Variants in RAD54L2 observed in about 807,000 individuals in gnomAD.
RAD54L2 encodes the protein helicase ARIP4.
A neutral mutation model predicts 138.4 loss-of-function variants in RAD54L2; 27 were observed. The ratio of observed to expected loss-of-function variants is 0.20; its 90% CI spans 0.14 to 0.27. The LOEUF (loss-of-function observed/expected upper bound fraction) is 0.27, where lower values mean the gene tolerates loss of function less well. Among genes scored for constraint, RAD54L2 ranks in the 10% least tolerant of loss-of-function variants. The pLI, the probability that RAD54L2 is intolerant of heterozygous loss-of-function variation, is 1.00. For synonymous variants in RAD54L2, 644 were observed against 723.2 expected (o/e 0.89, Z 1.76); for missense variants, 1,396 against 1,890.2 (o/e 0.74, Z 4.85).
At chr3:51,545,928 A>ATT (rs1698680698) in intron 2 of RAD54L2, among the ~76,000 whole-genome samples, 1 of 134,542 alleles carries the variant, frequency 7.4e-6, no homozygotes, top group African/African-American at 2.9e-5. Flanking sequence ...GCCTACATCA[A>ATT]TTCTTTTTTT....
At chr3:51,651,948 C>A (rs1459509264) in intron 19 of RAD54L2, among the ~76,000 whole-genome samples, 2 of 151,968 alleles carry the variant, frequency 1.3e-5, no homozygotes, top group East Asian at 3.9e-4. Context: ...GCAATCAGGC[C>A]AGAGAAAGAA....
chr3:51,610,084 C>T (rs1203047815), intron 3 of RAD54L2, among the ~76,000 whole-genome samples: 2 of 151,352 alleles, frequency 1.3e-5, no homozygotes, highest in South Asian at 2.1e-4. Flanking sequence ...TGCAGTGAGC[C>T]GAGATCGAGC....
At position 51,628,309 on chromosome 3, in the gene RAD54L2, AT is replaced by A. The variant is rs545116980; in HGVS notation, c.341+556del. ...CTCCTGCCTCCACTTAAAAAAAAAAATAACGACAACTTGAAATATTACTCTG... is the reference window on the plus strand; with the variant it reads ...CTCCTGCCTCCACTTAAAAAAAAAAAAACGACAACTTGAAATATTACTCTG... On this transcript the variant is annotated intron_variant, in intron 4 of 22. Coordinates refer to ENST00000684192, the MANE Select transcript of RAD54L2 (RefSeq NM_015106.4). Among the ~76,000 whole-genome samples the A allele has an allele frequency of 1.1e-4, 16 of 152,230 alleles. 1 individual carries two copies. In the South Asian group the frequency reaches 3.3e-3, roughly 32 times the overall value.
Position 51,637,661 on chromosome 3 carries a change from G to A in RAD54L2, c.1682+158G>A, listed in dbSNP as rs528423074. On this transcript the variant is annotated intron_variant, in intron 11 of 22. Coordinates refer to ENST00000684192, the MANE Select transcript of RAD54L2 (RefSeq NM_015106.4). This position sits in a 1 kb window ranked among gnomAD's most constrained non-coding sequence, Gnocchi z 5.9. ...TTCCTGTGACAAGCTAGCAGATGGT[G>A]GATATCCACTGTTTCAGTTCTCTGA... Among the ~76,000 whole-genome samples, 14 of 152,340 alleles carry A rather than the reference G, an allele frequency of 9.2e-5. No individual in the cohort carries two copies. The South Asian group carries it at 1.7e-3, about 18-fold the overall frequency.
chr3:51,624,611 G>A (rs1032738145), intron 3 of RAD54L2, among the ~76,000 whole-genome samples: 2 of 152,042 alleles, frequency 1.3e-5, no homozygotes, highest in African/African-American at 4.8e-5. Flanking sequence ...AACCCTTAGA[G>A]GTTACTACAA....
intron 3 of RAD54L2, among the ~76,000 whole-genome samples, chr3:51,603,082 AG>A (rs1700109954): frequency 6.7e-6 from 1 of 149,912 alleles, no homozygotes; most frequent in Non-Finnish European, 1.5e-5. Context: ...CAGGAGGATC[AG>A]TTGAGGTCAG....
In RAD54L2 at chr3:51,666,922, A is replaced by G. The variant is rs1701923503; in HGVS notation, c.*3502A>G. 6.6e-6 allele frequency: 1 copy of G among 152,088 alleles called. No homozygotes were observed. The highest frequency in any genetic ancestry group is 2.4e-5 in the African/African-American group (1 of 41,400). The allele number at this position is 152,088 out of a possible 1,614,324, so 9.4% of individuals were successfully genotyped here. ...TCACAACTAAATATGAAATTTCTCA[A>G]TTCAGGAGCAGGAAGCAAAGTGCTG... On this transcript the variant is annotated 3_prime_UTR_variant, in exon 23 of 23. Transcript: ENST00000684192.
In RAD54L2 at chr3:51,639,945, T is replaced by C; in HGVS notation, c.2177T>C (p.Leu726Pro). ...GAAAACTCTCCCAAGATGGTACTGC[T>C]TTTCCACCTGATTGAGGAAAGTGTG... ...VLENSPKMVLLFHLIEESVKL... is the reference protein window; with the variant it reads ...VLENSPKMVLPFHLIEESVKL... Residue 726 changes from leucine to proline, a missense_variant, in exon 14 of 23, where the codon CTT becomes CCT. Leu to Pro is a moderately conservative substitution (Grantham distance 98). Around this residue, in one of 7 missense-constraint regions of RAD54L2, gnomAD observed 211 missense variants for 273.8 expected, o/e 0.77. Coordinates refer to ENST00000684192, the MANE Select transcript of RAD54L2 (RefSeq NM_015106.4). 6.2e-7 allele frequency: 1 copy of C among 1,612,534 alleles called. No individual in the cohort carries two copies. The highest frequency in any genetic ancestry group is 8.5e-7 in the Non-Finnish European group (1 of 1,178,950).
At chr3:51,606,611 A>G (rs562138887) in intron 3 of RAD54L2, among the ~76,000 whole-genome samples, 15 of 152,186 alleles carry the variant, frequency 9.9e-5, no homozygotes, top group African/African-American at 3.1e-4. Context: ...GTGGCCCCAG[A>G]TAGATACATA....
chr3:51,620,307 C>G (rs531412019), intron 3 of RAD54L2, among the ~76,000 whole-genome samples: 1 of 147,896 alleles, frequency 6.8e-6, no homozygotes, highest in Non-Finnish European at 1.5e-5. Flanking sequence ...CTATGTTGCC[C>G]AGTCTGGTCT....
At chr3:51,579,227 G>A (rs1699555003) in intron 2 of RAD54L2, among the ~76,000 whole-genome samples, 1 of 150,026 alleles carries the variant, frequency 6.7e-6, no homozygotes, top group Non-Finnish European at 1.5e-5. Flanking sequence ...CAGCGGTGCA[G>A]TCTTGGCTCA....
chr3:51,630,954 T>C (rs1207494053), intron 7 of RAD54L2, 23 bp downstream of exon 7: 1 of 1,580,746 alleles, frequency 6.3e-7, no homozygotes, highest in Non-Finnish European at 8.7e-7. Flanking sequence ...TTGACTGTTT[T>C]CTCCTTTTCC....
intron 10 of RAD54L2, among the ~76,000 whole-genome samples, chr3:51,635,992 G>A (rs1700976313): frequency 6.6e-6 from 1 of 152,186 alleles, no homozygotes. Flanking sequence ...GTGCAGTTAT[G>A]GTTAGGCCAG....
chr3:51,550,379 A>G (rs1228321708), intron 2 of RAD54L2, among the ~76,000 whole-genome samples: 3 of 152,170 alleles, frequency 2.0e-5, no homozygotes, highest in Non-Finnish European at 4.4e-5. Flanking sequence ...CCCTGGTTAC[A>G]TAAACAATGT....
intron 2 of RAD54L2, among the ~76,000 whole-genome samples, chr3:51,575,427 A>G (rs1699456631): frequency 6.6e-6 from 1 of 152,146 alleles, no homozygotes; most frequent in South Asian, 2.1e-4. Flanking sequence ...TGAATCTATA[A>G]ATTACCATGG....
intron 2 of RAD54L2, among the ~76,000 whole-genome samples, chr3:51,546,980 G>T (rs1176186131): frequency 1.3e-5 from 2 of 151,378 alleles, no homozygotes; most frequent in African/African-American, 4.9e-5. Context: ...AGTGAGCCGA[G>T]ATCTCACCAC....
intron 2 of RAD54L2, among the ~76,000 whole-genome samples, chr3:51,588,438 G>A (rs1401607912): frequency 7.2e-4 from 109 of 150,578 alleles, no homozygotes; most frequent in African/African-American, 2.6e-3. Context: ...GGGAGGCTGA[G>A]GCAGGAGAAT....
intron 1 of RAD54L2, chr3:51,541,305 CAGTT>C (rs1433432354): frequency 2.0e-5 from 3 of 152,168 alleles, no homozygotes; most frequent in Non-Finnish European, 4.4e-5. Context: ...TGACTGGTGA[CAGTT>C]AATTATCTTA....
At position 51,637,146 on chromosome 3, in the gene RAD54L2, C is replaced by A. The variant is rs1701001347; in HGVS notation, c.1340-15C>A. ...CCCTGTCACCCTCTGACTCCGGATC[C>A]TCTTCCCTCCCTAGAGTTTGAGAAG... On this transcript the variant is annotated splice_polypyrimidine_tract_variant and intron_variant, in intron 10 of 22. Coordinates refer to ENST00000684192, the MANE Select transcript of RAD54L2 (RefSeq NM_015106.4). The surrounding 1 kb of genome is among the most constrained non-coding windows in gnomAD (Gnocchi z 5.9). 1 of 1,564,378 alleles carries A rather than the reference C, an allele frequency of 6.4e-7. No homozygotes were observed. Among genetic ancestry groups the A allele is most frequent in the Non-Finnish European group, 8.7e-7 (1 of 1,153,570 alleles).
Sources: allele counts gnomAD v4.1 joint callset (sites outside exome capture counted in the v4.1 genomes callset), GRCh38; gene constraint gnomAD v4.1.1; regional missense constraint gnomAD v4.1.1; non-coding constraint Gnocchi (gnomAD v3.1); transcripts MANE v1.5; gene names NCBI Gene and HGNC (gene_info 2026-07-23, HGNC 2026-07-21).